The following NXPH2 variants were observed in gnomAD, a reference collection of about 807,000 sequenced individuals.
NXPH2 encodes the protein neurexophilin-2.
In NXPH2, 5 loss-of-function variants were observed where a neutral mutation model predicts 19.8. The ratio of observed to expected loss-of-function variants is 0.25; its 90% CI spans 0.13 to 0.53. The LOEUF is 0.53. NXPH2 is among the 20% of genes least tolerant of loss of function. The pLI, the probability that NXPH2 is intolerant of heterozygous loss-of-function variation, is 0.96. For synonymous variants in NXPH2, 154 were observed against 127.4 expected, an observed-to-expected ratio of 1.21 and a Z score of -1.41; for missense variants, 289 against 322.8, an observed-to-expected ratio of 0.90 and a Z score of 0.80.
Position 138,677,301 on chromosome 2 carries a change from GAAGA to G in NXPH2, c.52-5640_52-5637del, listed in dbSNP as rs571650667. Among the ~76,000 whole-genome samples the G allele has an allele frequency of 1.3e-4, 20 of 152,246 alleles. No individual in the cohort carries two copies. The East Asian group carries it at 3.3e-3, about 25-fold the overall frequency. Reference sequence around the variant, plus strand: ...GCATAAAATGGAGTTTTACAAAGGGGAAGAAAGAAAAATTGCTGTGCTTTATCTG... The same window carrying G: ...GCATAAAATGGAGTTTTACAAAGGGGAAGAAAAATTGCTGTGCTTTATCTG... On this transcript the variant is annotated intron_variant, in intron 1 of 1. Transcript: ENST00000272641.
At chr2:138,757,905 AC>A (rs1240118718) in intron 1 of NXPH2, among the ~76,000 whole-genome samples, 1 of 152,002 alleles carries the variant, frequency 6.6e-6, no homozygotes, top group Non-Finnish European at 1.5e-5. Flanking sequence ...CCTGACTGAT[AC>A]ATACCTTAAT....
At chr2:138,744,911 A>C (rs1483055985) in intron 1 of NXPH2, among the ~76,000 whole-genome samples, 1 of 152,168 alleles carries the variant, frequency 6.6e-6, no homozygotes, top group Non-Finnish European at 1.5e-5. Flanking sequence ...GATGTGAGGA[A>C]TGTTCCTGGA....
chr2:138,732,270 G>C (rs1265135959), intron 1 of NXPH2, among the ~76,000 whole-genome samples: 1 of 152,184 alleles, frequency 6.6e-6, no homozygotes, highest in Admixed American at 6.5e-5. Context: ...GAATCCAGTA[G>C]AGAAAACTGG....
Position 138,722,423 on chromosome 2 carries a change from C to G in NXPH2, c.52-50758G>C, listed in dbSNP as rs993774710. Among the ~76,000 whole-genome samples, 9 of 152,276 alleles carry G rather than the reference C, an allele frequency of 5.9e-5. No homozygotes were observed. In the South Asian group the frequency reaches 6.2e-4, roughly 11 times the overall value. ...GGAAGTATGTGTGGTTGGAGCGGAG[C>G]CTGGGCAGGGCAGCGTGAAGACTCA... On this transcript the variant is annotated intron_variant, in intron 1 of 1. Coordinates refer to ENST00000272641, the MANE Select transcript of NXPH2 (RefSeq NM_007226.3).
chr2:138,779,968 C>A (rs1025658142), intron 1 of NXPH2, among the ~76,000 whole-genome samples: 1 of 152,142 alleles, frequency 6.6e-6, no homozygotes, highest in African/African-American at 2.4e-5. Context: ...CGCTCAAGTC[C>A]CAACCCGTGC....
chr2:138,744,082 T>C (rs1161022624), intron 1 of NXPH2, among the ~76,000 whole-genome samples: 1 of 151,462 alleles, frequency 6.6e-6, no homozygotes, highest in Non-Finnish European at 1.5e-5. Context: ...TTAAATATCC[T>C]ACTCTCTTAC....
intron 1 of NXPH2, among the ~76,000 whole-genome samples, chr2:138,720,733 G>C (rs1681267207): frequency 6.6e-6 from 1 of 152,160 alleles, no homozygotes; most frequent in African/African-American, 2.4e-5. Flanking sequence ...TCAGATCCCT[G>C]TTCTCCCATT....
intron 1 of NXPH2, among the ~76,000 whole-genome samples, chr2:138,770,858 C>T (rs1417215720): frequency 6.6e-6 from 1 of 151,838 alleles, no homozygotes; most frequent in Non-Finnish European, 1.5e-5. Context: ...AGGCAATTCA[C>T]AAAATAAGAA....
chr2:138,761,932 CA>C (rs1682024572), intron 1 of NXPH2, among the ~76,000 whole-genome samples: 1 of 152,130 alleles, frequency 6.6e-6, no homozygotes, highest in Admixed American at 6.6e-5. Context: ...TATAGAGTCA[CA>C]AAGGCAGAAG....
chr2:138,722,240 A>G (rs969496112), intron 1 of NXPH2, among the ~76,000 whole-genome samples: 5 of 152,262 alleles, frequency 3.3e-5, no homozygotes, highest in Non-Finnish European at 7.3e-5. Flanking sequence ...TGGTCAAGAA[A>G]GGAATCCGTG....
At chr2:138,712,148 T>G (rs1189554645) in intron 1 of NXPH2, among the ~76,000 whole-genome samples, 1 of 152,162 alleles carries the variant, frequency 6.6e-6, no homozygotes, top group African/African-American at 2.4e-5. Context: ...GGAACTGATG[T>G]GTGTGTGTGC....
chr2:138,780,139 C>A, intron 1 of NXPH2, 52 bp downstream of exon 1: 1 of 1,464,146 alleles, frequency 6.8e-7, no homozygotes, highest in South Asian at 1.3e-5. Flanking sequence ...CGCGGTTTTC[C>A]CGCCGAAACG....
intron 1 of NXPH2, among the ~76,000 whole-genome samples, chr2:138,735,996 T>C (rs1389558230): frequency 2.0e-5 from 3 of 152,186 alleles, no homozygotes; most frequent in South Asian, 2.1e-4. Flanking sequence ...AAGAGGTGGG[T>C]TCCCATTGTC....
intron 1 of NXPH2, among the ~76,000 whole-genome samples, chr2:138,682,500 C>T (rs1430879702): frequency 6.6e-6 from 1 of 152,010 alleles, no homozygotes; most frequent in African/African-American, 2.4e-5. Flanking sequence ...CTAATTGTAC[C>T]TATTAATATT....
At chr2:138,747,319 G>A (rs765963005) in intron 1 of NXPH2, among the ~76,000 whole-genome samples, 6 of 152,096 alleles carry the variant, frequency 3.9e-5, no homozygotes, top group East Asian at 1.9e-4. Flanking sequence ...GTTGTTGGGC[G>A]CATTGCTTGA....
intron 1 of NXPH2, among the ~76,000 whole-genome samples, chr2:138,712,704 C>G (rs1681123089): frequency 6.6e-6 from 1 of 152,190 alleles, no homozygotes. Flanking sequence ...AGTTACTTTA[C>G]TGTTCCACAA....
intron 1 of NXPH2, among the ~76,000 whole-genome samples, chr2:138,676,704 T>G (rs546532210): frequency 6.6e-6 from 1 of 152,328 alleles, no homozygotes; most frequent in South Asian, 2.1e-4. Flanking sequence ...GGCTCTTCCA[T>G]GGTCCAATGG....
At chr2:138,708,495 A>T (rs1004800564) in intron 1 of NXPH2, among the ~76,000 whole-genome samples, 4 of 152,210 alleles carry the variant, frequency 2.6e-5, no homozygotes, top group Admixed American at 1.3e-4. Flanking sequence ...ATTCACTGAA[A>T]ACTATTAAAC....
intron 1 of NXPH2, among the ~76,000 whole-genome samples, chr2:138,750,027 G>A (rs1681803031): frequency 6.6e-6 from 1 of 152,142 alleles, no homozygotes; most frequent in African/African-American, 2.4e-5. Flanking sequence ...TCACTGATTA[G>A]AAGACATTTC....
Sources: allele counts gnomAD v4.1 joint callset (sites outside exome capture counted in the v4.1 genomes callset), GRCh38; gene constraint gnomAD v4.1.1; transcripts MANE v1.5; gene names NCBI Gene and HGNC (gene_info 2026-07-23, HGNC 2026-07-21).